Variants in ANKFY1 observed in about 807,000 individuals in gnomAD.
The protein encoded by ANKFY1 is ankyrin repeat and FYVE domain-containing protein 1.
ANKFY1 carries 47 observed loss-of-function variants against 128.3 expected under a neutral mutation model. That is an observed-to-expected ratio of 0.37 (90% CI 0.29 to 0.47). The LOEUF (loss-of-function observed/expected upper bound fraction) is 0.47, where lower values mean the gene tolerates loss of function less well. Among genes scored for constraint, ANKFY1 ranks in the 20% least tolerant of loss-of-function variants. The probability of loss-of-function intolerance (pLI) is 1.00; values close to 1 mark genes in which losing one functional copy is unlikely to be tolerated. For synonymous variants in ANKFY1, 553 were observed against 601.6 expected (o/e 0.92, Z 1.18); for missense variants, 1,222 against 1,510.6 (o/e 0.81, Z 3.17).
chr17:4,263,404 G>A (rs1306698261), intron 1 of ANKFY1, among the ~76,000 whole-genome samples: 5 of 152,190 alleles, frequency 3.3e-5, no homozygotes, highest in African/African-American at 1.2e-4. Context: ...TGGGGTTGCA[G>A]CAGAGCCGGA....
In ANKFY1 at chr17:4,181,218, TA is replaced by T; in HGVS notation, c.2240+35del. ...AAGAGCCAGTTTGCAACAAGCTCAC[TA>T]AAAAGCTGTGGAGAGATACTGGGGA... On this transcript the variant is annotated intron_variant, in intron 16 of 24. Coordinates refer to ENST00000341657, the MANE Select transcript of ANKFY1 (RefSeq NM_001330063.2). This position sits in a 1 kb window ranked among gnomAD's most constrained non-coding sequence, Gnocchi z 4.9. 6.4e-7 allele frequency: 1 copy of T among 1,558,822 alleles called. No homozygotes were observed. Among genetic ancestry groups the T allele is most frequent in the Non-Finnish European group, 8.8e-7 (1 of 1,130,620 alleles).
chr17:4,262,208 T>C (rs1367866133), intron 1 of ANKFY1, among the ~76,000 whole-genome samples: 1 of 152,002 alleles, frequency 6.6e-6, no homozygotes, highest in Non-Finnish European at 1.5e-5. Flanking sequence ...GCTGGTGCAG[T>C]TCACTGCAAC....
intron 3 of ANKFY1, among the ~76,000 whole-genome samples, chr17:4,233,253 A>G (rs894867772): frequency 6.6e-6 from 1 of 152,198 alleles, no homozygotes; most frequent in African/African-American, 2.4e-5. Flanking sequence ...CATTCTGTTC[A>G]TATAATCAAG....
intron 1 of ANKFY1, among the ~76,000 whole-genome samples, chr17:4,254,288 A>AGT (rs1179089800): frequency 7.9e-6 from 1 of 126,714 alleles, no homozygotes; most frequent in East Asian, 2.4e-4. Context: ...TGGACCACAG[A>AGT]GTGAGACTCC....
chr17:4,182,282 T>A lies in ANKFY1; in HGVS notation c.2020A>T (p.Ile674Leu). The A allele has an allele frequency of 1.3e-6, 2 of 1,595,690 alleles. No homozygotes were observed. The highest frequency in any genetic ancestry group is 1.7e-6 in the Non-Finnish European group (2 of 1,170,406). ...RNQLPLVVDA[I>L]CTRGADMSVP... The stretch of plus-strand genomic sequence containing the variant: ...GACATGTCAGCTCCTCGGGTGCATA[T>A]GGCATCAACTACGAGTGGAAGCTGG... Residue 674 changes from isoleucine (I) to leucine (L), a missense_variant, in exon 15 of 25, where the codon ATA becomes TTA. Physicochemically the swap from Ile to Leu is conservative, Grantham distance 5. Transcript: ENST00000341657.
At chr17:4,216,701 C>T (rs547733743) in intron 4 of ANKFY1, 1 of 412,920 alleles carries the variant, frequency 2.4e-6, no homozygotes, top group South Asian at 2.3e-5. Context: ...AAAGTTTGGA[C>T]ATTGGATTAT....
rs527746200 is a variant in ANKFY1 at position 4,186,003 on chromosome 17, T to C, written c.1471-957A>G. Among the ~76,000 whole-genome samples, 9 of 152,304 alleles carry C rather than the reference T, an allele frequency of 5.9e-5. No homozygotes were observed. The East Asian group carries it at 1.5e-3, about 26-fold the overall frequency. ...TTTTAAAAGTTAAAAATATTTTTAA[T>C]TGGTATTACCGCTACCTGATGCAAC... On this transcript the variant is annotated intron_variant, in intron 11 of 24. Transcript: ENST00000341657.
chr17:4,236,188 G>A (rs1205318092), intron 2 of ANKFY1, among the ~76,000 whole-genome samples: 1 of 152,178 alleles, frequency 6.6e-6, no homozygotes, highest in Non-Finnish European at 1.5e-5. Flanking sequence ...TAAGTAGGAT[G>A]ATTAATATTC....
At position 4,189,385 on chromosome 17, in the gene ANKFY1, C is replaced by T; in HGVS notation, c.1467G>A (p.Lys489=). The T allele has an allele frequency of 6.3e-7, 1 of 1,580,168 alleles. No individual in the cohort carries two copies. The highest frequency in any genetic ancestry group is 1.1e-5 in the South Asian group (1 of 87,028). ...CCGGCTGCCCTGTCACACTTACCCA[C>T]TTGTTTCTGTGGTTGACATGGGCAC... The part of the protein sequence containing the change: ...TNGAHVNHRN[K]WGETPLHTAC... The change falls in exon 11 of 25, where the codon AAG becomes AAA. Residue 489 remains lysine, a synonymous_variant. Coordinates refer to ENST00000341657, the MANE Select transcript of ANKFY1 (RefSeq NM_001330063.2).
chr17:4,170,230 G>A (rs544171961), intron 23 of ANKFY1, among the ~76,000 whole-genome samples: 1 of 152,312 alleles, frequency 6.6e-6, no homozygotes, highest in East Asian at 1.9e-4. Flanking sequence ...ACAGGCACTC[G>A]AGACATTCTG....
At chr17:4,242,162 G>C (rs1598136426) in intron 2 of ANKFY1, 94 bp downstream of exon 2, 6 of 1,253,778 alleles carry the variant, frequency 4.8e-6, no homozygotes, top group East Asian at 5.6e-5. Context: ...CCTCATTAGA[G>C]ATAAATAAAT....
At chr17:4,228,221 T>C (rs1280099658) in intron 3 of ANKFY1, among the ~76,000 whole-genome samples, 3 of 152,146 alleles carry the variant, frequency 2.0e-5, no homozygotes, top group African/African-American at 7.2e-5. Context: ...AAAATCTATA[T>C]GCTAAAAGAA....
intron 10 of ANKFY1, 149 bp from the exon 11 acceptor site, chr17:4,189,628 T>C: frequency 1.4e-6 from 1 of 699,092 alleles, no homozygotes. Context: ...CGCCAGACAG[T>C]AGGCCCACGC....
At chr17:4,218,630 G>C (rs2060258821) in intron 3 of ANKFY1, among the ~76,000 whole-genome samples, 1 of 152,042 alleles carries the variant, frequency 6.6e-6, no homozygotes, top group Non-Finnish European at 1.5e-5. Flanking sequence ...CACCACTAAA[G>C]AACTTAGCCA....
chr17:4,222,966 C>T (rs933728780), intron 3 of ANKFY1: 13 of 1,207,266 alleles, frequency 1.1e-5, no homozygotes, highest in African/African-American at 1.5e-5. Flanking sequence ...AAGTGTCACT[C>T]TTTTGGAGGC....
chr17:4,187,605 A>G (rs1411379916), intron 11 of ANKFY1: 1 of 247,072 alleles, frequency 4.0e-6, no homozygotes, highest in African/African-American at 2.2e-5. Context: ...TTTTGCTATG[A>G]AGGGTATTCA....
intron 8 of ANKFY1, 78 bp downstream of exon 8, chr17:4,197,295 C>T (rs1469021189): frequency 6.8e-6 from 10 of 1,462,974 alleles, no homozygotes; most frequent in Admixed American, 3.4e-5. Context: ...CATGAACTCC[C>T]CGTATGCCAA....
chr17:4,234,021 A>G (rs1598120926), intron 3 of ANKFY1, among the ~76,000 whole-genome samples: 2 of 152,350 alleles, frequency 1.3e-5, no homozygotes, highest in Non-Finnish European at 1.5e-5. Context: ...GAACTTTTCT[A>G]TGTTTAGATA....
At chr17:4,257,330 G>A (rs1048664513) in intron 1 of ANKFY1, among the ~76,000 whole-genome samples, 2 of 151,796 alleles carry the variant, frequency 1.3e-5, no homozygotes, top group Non-Finnish European at 2.9e-5. Context: ...CAGTCATTTC[G>A]CCATGCCTCA....
Sources: gnomAD v4.1 joint callset for allele counts (sites outside exome capture counted in the v4.1 genomes callset) on GRCh38, gnomAD v4.1.1 for gene constraint, Gnocchi (gnomAD v3.1) non-coding constraint, MANE v1.5 for transcripts, NCBI Gene and HGNC (gene_info 2026-07-23, HGNC 2026-07-21) for gene names.